The following ECE2 variants were observed in gnomAD, a reference collection of about 807,000 sequenced individuals.
The protein encoded by ECE2 is endothelin-converting enzyme 2.
Under a neutral mutation model 100.6 loss-of-function variants are expected in ECE2, and 81 were observed. The observed-to-expected ratio is 0.81, with a 90% CI of 0.67 to 0.97. The LOEUF is 0.97. Among genes scored for constraint, ECE2 ranks in the 50% least tolerant of loss-of-function variants. The probability of loss-of-function intolerance (pLI) is 0.00; values close to 1 mark genes in which losing one functional copy is unlikely to be tolerated. For synonymous variants in ECE2, 391 were observed against 391.5 expected (o/e 1.00, Z 0.02); for missense variants, 911 against 988.1 (o/e 0.92, Z 1.05).
In ECE2 at chr3:184,289,478, G is replaced by C. The variant is rs759681012; in HGVS notation, c.1416G>C (p.Glu472Asp). 2.4e-5 allele frequency: 39 copies of C among 1,611,942 alleles called. No individual in the cohort carries two copies. Among genetic ancestry groups the C allele is most frequent in the Non-Finnish European group, 3.3e-5 (39 of 1,179,234 alleles). ...MISEIRTAFE[E>D]ALGQLVWMDE... ...GCGAAATCCGGACCGCATTTGAGGA[G>C]GCCCTGGGACAGCTGGTTTGGATGG... Residue 472 changes from glutamate to aspartate, a missense_variant, in exon 12 of 19, where the codon GAG becomes GAC. Glu to Asp is a conservative substitution (Grantham distance 45). Coordinates refer to ENST00000404464, the MANE Select transcript of ECE2 (RefSeq NM_001100121.2). This position sits in a 1 kb window ranked among gnomAD's most constrained non-coding sequence, Gnocchi z 4.1.
At position 184,292,150 on chromosome 3, in the gene ECE2, C is replaced by T. The variant is rs1721359918; in HGVS notation, c.2210C>T (p.Thr737Ile). Residue 737 changes from threonine to isoleucine, a missense_variant, in exon 19 of 19, where the codon ACT becomes ATT. Transcript: ENST00000404464. ...CCTGCCCGCTTCCGCGTGCTGGGCA[C>T]TCTCTCCAACTCCCGTGACTTCCTG... is the stretch of plus-strand genomic sequence containing the variant. ...HSPARFRVLGTLSNSRDFLRH... is the reference protein window; with the variant it reads ...HSPARFRVLGILSNSRDFLRH... 6.2e-7 allele frequency: 1 copy of T among 1,614,154 alleles called. No individual in the cohort carries two copies. The highest frequency in any genetic ancestry group is 2.2e-5 in the East Asian group (1 of 44,878).
Position 184,276,165 on chromosome 3 carries a change from G to A in ECE2, c.12G>A (p.Ala4=), listed in dbSNP as rs1409352917. Reference sequence around the variant, plus strand: ...GGCCCGACTCCACCATGAACGTCGCGCTGCAGGAGCTGGGAGCTGGCAGCA... The same window carrying A: ...GGCCCGACTCCACCATGAACGTCGCACTGCAGGAGCTGGGAGCTGGCAGCA... The part of the protein sequence containing the change: MNV[A]LQELGAGSNM... Residue 4 remains alanine, a synonymous_variant, in exon 1 of 19, where the codon GCG becomes GCA. Transcript: ENST00000404464. 3 of 1,433,400 alleles carry A rather than the reference G, an allele frequency of 2.1e-6. No individual in the cohort carries two copies. Among genetic ancestry groups the A allele is most frequent in the Non-Finnish European group, 2.7e-6 (3 of 1,098,758 alleles). 88.8% of individuals were successfully genotyped at this position (1,433,400 alleles called of 1,614,324 possible).
In ECE2 at chr3:184,277,960, C is replaced by G; in HGVS notation, c.514C>G (p.Gln172Glu). The G allele has an allele frequency of 6.2e-7, 1 of 1,613,172 alleles. No individual in the cohort carries two copies. Among genetic ancestry groups the G allele is most frequent in the Non-Finnish European group, 8.5e-7 (1 of 1,180,024 alleles). The change falls in exon 5 of 19, where the codon CAG becomes GAG. Residue 172 changes from glutamine (Q) to glutamate (E), a missense_variant. Physicochemically the swap from Gln to Glu is conservative, Grantham distance 29. Coordinates refer to ENST00000404464, the MANE Select transcript of ECE2 (RefSeq NM_001100121.2). ...CTTCAACTCCAGCAGTGAAGCTGAG[C>G]AGAAGACACAGCGCTTCTACCTATC... is the stretch of plus-strand genomic sequence containing the variant. The part of the protein sequence containing the change: ...TTFNSSSEAE[Q>E]KTQRFYLSCL...
In ECE2 at chr3:184,292,993, T is replaced by C. The variant is rs1271631640; in HGVS notation, c.*755T>C. 1 of 152,244 alleles carries C rather than the reference T, an allele frequency of 6.6e-6. No individual in the cohort carries two copies. The highest frequency in any genetic ancestry group is 1.9e-4 in the East Asian group (1 of 5,200). The allele number at this position is 152,244 out of a possible 1,614,324, so 9.4% of individuals were successfully genotyped here. ...GGTGGGAGGGTGTGGTCTTGGCCCT[T>C]ATAGGACCCTGTGCCAATAAACAGA... is the stretch of plus-strand genomic sequence containing the variant. On this transcript the variant is annotated 3_prime_UTR_variant, in exon 19 of 19. Coordinates refer to ENST00000404464, the MANE Select transcript of ECE2 (RefSeq NM_001100121.2).
chr3:184,276,814 G>A, intron 2 of ECE2, 78 bp from the exon 3 acceptor site: 3 of 1,589,204 alleles, frequency 1.9e-6, no homozygotes, highest in Non-Finnish European at 2.6e-6. Flanking sequence ...TCTGAAAACT[G>A]CCTGTGGCTT....
chr3:184,277,674 C>T (rs548108434), intron 4 of ECE2, among the ~76,000 whole-genome samples: 3 of 152,244 alleles, frequency 2.0e-5, no homozygotes, highest in South Asian at 2.1e-4. Context: ...AATGGAGGGC[C>T]GCTTCTCTGC....
intron 13 of ECE2, 105 bp from the exon 14 acceptor site, chr3:184,290,149 TG>T: frequency 1.2e-6 from 1 of 854,508 alleles, no homozygotes; most frequent in Non-Finnish European, 1.8e-6. Context: ...ATTTTACAGT[TG>T]AGGAAACTGA....
chr3:184,284,981 G>A lies in ECE2; in HGVS notation c.1024G>A (p.Asp342Asn), dbSNP rs780054444. Reference sequence around the variant, plus strand: ...CTTTCAGGCTCTGGCGCCCTCCATGGACTGGCTTGAGTTCCTGTCTTTCTT... The same window carrying A: ...CTTTCAGGCTCTGGCGCCCTCCATGAACTGGCTTGAGTTCCTGTCTTTCTT... ...SELQALAPSM[D>N]WLEFLSFLLS... The change falls in exon 9 of 19, where the codon GAC becomes AAC. Residue 342 changes from aspartate to asparagine, a missense_variant. By Grantham distance (23) the Asp-to-Asn change is conservative. Coordinates refer to ENST00000404464, the MANE Select transcript of ECE2 (RefSeq NM_001100121.2). 1 of 1,614,094 alleles carries A rather than the reference G, an allele frequency of 6.2e-7. No individual in the cohort carries two copies. The highest frequency in any genetic ancestry group is 8.5e-7 in the Non-Finnish European group (1 of 1,179,982).
chr3:184,285,954 T>C (rs1461312993), intron 10 of ECE2, among the ~76,000 whole-genome samples: 23 of 152,060 alleles, frequency 1.5e-4, no homozygotes, highest in Non-Finnish European at 1.6e-4. Context: ...AATAAGTGAG[T>C]ATTTAGTTTC....
chr3:184,285,378 C>T (rs746578977), intron 9 of ECE2, 100 bp from the exon 10 acceptor site: 15 of 1,005,388 alleles, frequency 1.5e-5, no homozygotes, highest in Non-Finnish European at 2.3e-5. Context: ...CCACATATGC[C>T]TCTCGGGACT....
At chr3:184,280,406 G>C (rs549556513) in intron 7 of ECE2, among the ~76,000 whole-genome samples, 3 of 152,206 alleles carry the variant, frequency 2.0e-5, no homozygotes, top group Non-Finnish European at 2.9e-5. Flanking sequence ...CTCAATCAGA[G>C]TGTGGGAGCT....
Position 184,278,205 on chromosome 3 carries a change from C to T in ECE2, c.642C>T (p.Asp214=). Reference sequence around the variant, plus strand: ...ACATTACGGGGCCCTGGGACCAGGACAACTTTATGGAGGTGTTGAAGGCAG... The same window carrying T: ...ACATTACGGGGCCCTGGGACCAGGATAACTTTATGGAGGTGTTGAAGGCAG... The part of the protein sequence containing the change: ...GWNITGPWDQ[D]NFMEVLKAVA... The change falls in exon 6 of 19, where the codon GAC becomes GAT. Residue 214 remains aspartate (D), a synonymous_variant. Transcript: ENST00000404464. The T allele has an allele frequency of 3.7e-6, 6 of 1,614,160 alleles. No individual in the cohort carries two copies. The highest frequency in any genetic ancestry group is 5.1e-6 in the Non-Finnish European group (6 of 1,180,024).
At position 184,276,944 on chromosome 3, in the gene ECE2, A is replaced by G. The variant is rs370451095; in HGVS notation, c.179A>G (p.Glu60Gly). Residue 60 changes from glutamate to glycine, a missense_variant, in exon 3 of 19, where the codon GAG (glutamate) becomes GGG (glycine). Glu to Gly is a moderately conservative substitution (Grantham distance 98). Coordinates refer to ENST00000404464, the MANE Select transcript of ECE2 (RefSeq NM_001100121.2). ...RQLLGSRTQL[E>G]LVLAGASLLL... ...CTGTTAGGCTCACGCACGCAGCTGG[A>G]GCTGGTCTTAGCAGGTGCCTCTCTA... 3.9e-5 allele frequency: 63 copies of G among 1,613,970 alleles called. No individual in the cohort carries two copies. Among genetic ancestry groups the G allele is most frequent in the Non-Finnish European group, 5.3e-5 (62 of 1,180,008 alleles).
chr3:184,284,295 C>G (rs564515199), intron 8 of ECE2, among the ~76,000 whole-genome samples: 2 of 152,212 alleles, frequency 1.3e-5, no homozygotes, highest in South Asian at 4.1e-4. Flanking sequence ...GTAATCCCAG[C>G]ACTTTGGGAG....
rs780697073 is a variant in ECE2 at position 184,289,154 on chromosome 3, C to CAA, written c.1375-269_1375-268dup. On this transcript the variant is annotated intron_variant, in intron 11 of 18. Transcript: ENST00000404464. This position sits in a 1 kb window ranked among gnomAD's most constrained non-coding sequence, Gnocchi z 4.1. ...TAGGTAACACAGCCAGACTCTGTCTCAAAAAAAAAAAAAAATCATTGCACT... is the reference window on the plus strand; with the variant it reads ...TAGGTAACACAGCCAGACTCTGTCTCAAAAAAAAAAAAAAAAATCATTGCACT... Among the ~76,000 whole-genome samples the CAA allele has an allele frequency of 8.6e-6, 1 of 116,226 alleles. No homozygotes were observed. Among genetic ancestry groups the CAA allele is most frequent in the Non-Finnish European group, 1.8e-5 (1 of 55,142 alleles). 76.2% of individuals were successfully genotyped at this position (116,226 alleles called of 152,430 possible).
At position 184,290,909 on chromosome 3, in the gene ECE2, C is replaced by T. The variant is rs766611097; in HGVS notation, c.1834+49C>T. On this transcript the variant is annotated intron_variant, in intron 16 of 18. Coordinates refer to ENST00000404464, the MANE Select transcript of ECE2 (RefSeq NM_001100121.2). ...CTCTAGCCTAGAATTCCCAGTGGCT[C>T]CTGCAAGGCCTTGGGACATTGATGT... 1.1e-5 allele frequency: 18 copies of T among 1,612,666 alleles called. 1 individual carries two copies. In the African/African-American group the frequency reaches 1.3e-4, roughly 12 times the overall value.
chr3:184,280,302 C>T (rs1162089754), intron 7 of ECE2, among the ~76,000 whole-genome samples: 1 of 152,160 alleles, frequency 6.6e-6, no homozygotes, highest in African/African-American at 2.4e-5. Flanking sequence ...TGAGGCTGTT[C>T]CCTCATCCGT....
intron 14 of ECE2, 24 bp downstream of exon 14, chr3:184,290,382 G>C: frequency 6.2e-7 from 1 of 1,608,280 alleles, no homozygotes; most frequent in Non-Finnish European, 8.5e-7. Context: ...GGTGGACATA[G>C]ACACTAGGGG....
Position 184,276,906 on chromosome 3 carries a change from G to T in ECE2, c.141G>T (p.Lys47Asn), listed in dbSNP as rs767058073. The T allele has an allele frequency of 5.0e-6, 8 of 1,614,114 alleles. No individual in the cohort carries two copies. The Admixed American group carries it at 1.0e-4, about 20-fold the overall frequency. The change falls in exon 3 of 19, where the codon AAG (lysine) becomes AAT (asparagine). Residue 47 changes from lysine to asparagine, a missense_variant. Transcript: ENST00000404464. ...SPDAMEVGFQ[K>N]GTRQLLGSRT... ...GTGTTCCCCAGGTGGGATTCCAGAAGGGGACAAGACAGCTGTTAGGCTCAC... is the reference window on the plus strand; with the variant it reads ...GTGTTCCCCAGGTGGGATTCCAGAATGGGACAAGACAGCTGTTAGGCTCAC...
Sources: allele counts gnomAD v4.1 joint callset (sites outside exome capture counted in the v4.1 genomes callset), GRCh38; gene constraint gnomAD v4.1.1; non-coding constraint Gnocchi (gnomAD v3.1); transcripts MANE v1.5; gene names NCBI Gene and HGNC (gene_info 2026-07-23, HGNC 2026-07-21).